SEPTIN5: variants seen among roughly 807,000 people sequenced by gnomAD.
The protein encoded by SEPTIN5 is septin-5.
Under a neutral mutation model 51.2 loss-of-function variants are expected in SEPTIN5, and 16 were observed. The ratio of observed to expected loss-of-function variants is 0.31; its 90% CI spans 0.21 to 0.47. The LOEUF (loss-of-function observed/expected upper bound fraction) is 0.47. Among genes scored for constraint, SEPTIN5 ranks in the 20% least tolerant of loss-of-function variants. SEPTIN5 has a pLI of 0.99. For missense variants in SEPTIN5, 376 were observed against 500.3 expected (o/e 0.75, Z 2.37); for synonymous variants, 208 against 191.2 (o/e 1.09, Z -0.72).
intron 2 of SEPTIN5, among the ~76,000 whole-genome samples, chr22:19,716,204 C>G (rs2065620569): frequency 6.6e-6 from 1 of 152,170 alleles, no homozygotes; most frequent in South Asian, 2.1e-4. Context: ...ACTGTGTGGC[C>G]AAGGAAGGGA....
At chr22:19,717,778 C>A (rs775231350) in intron 2 of SEPTIN5, 8 of 247,332 alleles carry the variant, frequency 3.2e-5, no homozygotes, top group Non-Finnish European at 6.5e-5. Context: ...AACACACATG[C>A]ACACACCCGC....
intron 2 of SEPTIN5, chr22:19,718,468 G>T: frequency 8.7e-7 from 1 of 1,145,324 alleles, no homozygotes. Flanking sequence ...TGGCTCGGGT[G>T]CGGGAGCGGG....
In SEPTIN5 at chr22:19,719,867, G is replaced by T; in HGVS notation, c.213G>T (p.Lys71Asn). The stretch of plus-strand genomic sequence containing the variant: ...GCCTCTTCCTGACAGACTTGTACAA[G>T]GACCGGAAGCTGCTCAGTGCTGAGG... The part of the protein sequence containing the change: ...VHSLFLTDLY[K>N]DRKLLSAEER... Residue 71 changes from lysine to asparagine, a missense_variant, in exon 4 of 12, where the codon AAG (lysine) becomes AAT (asparagine). By Grantham distance (94) the Lys-to-Asn change is moderately conservative. This residue lies in a region of SEPTIN5 where 287 missense variants were observed against 417.1 expected (regional missense o/e 0.69). Transcript: ENST00000455784. 1.2e-6 allele frequency: 2 copies of T among 1,613,032 alleles called. No individual in the cohort carries two copies. Among genetic ancestry groups the T allele is most frequent in the South Asian group, 2.2e-5 (2 of 91,082 alleles).
In SEPTIN5 at chr22:19,721,755, T is replaced by C; in HGVS notation, c.814+19T>C. 1 of 1,602,010 alleles carries C rather than the reference T, an allele frequency of 6.2e-7. No homozygotes were observed. The highest frequency in any genetic ancestry group is 1.1e-5 in the South Asian group (1 of 90,138). On this transcript the variant is annotated intron_variant, in intron 9 of 11. Coordinates refer to ENST00000455784, the MANE Select transcript of SEPTIN5 (RefSeq NM_002688.6). ...GTGGAGGGTGAGTAGAGTCTTGGGGTACCAGGTCTGGTGGGGGAAGGCTGT... is the reference window on the plus strand; with the variant it reads ...GTGGAGGGTGAGTAGAGTCTTGGGGCACCAGGTCTGGTGGGGGAAGGCTGT...
In SEPTIN5 at chr22:19,723,133, G is replaced by T. The variant is rs1044333865; in HGVS notation, c.*649G>T. On this transcript the variant is annotated 3_prime_UTR_variant, in exon 12 of 12. Transcript: ENST00000455784. ...GTGAGCCACCTCCTGGCAACTCTCG[G>T]TGCCGTCCCCTGCCCTCGCTCGAGG... 7.2e-6 allele frequency: 4 copies of T among 554,010 alleles called. No individual in the cohort carries two copies. The African/African-American group carries it at 7.3e-5, about 10-fold the overall frequency. The allele number at this position is 554,010 out of a possible 1,614,324, so 34.3% of individuals were successfully genotyped here.
chr22:19,721,803 A>AAC lies in SEPTIN5; in HGVS notation c.815-19_815-18insAC. The AAC allele has an allele frequency of 1.9e-6, 3 of 1,561,948 alleles. No individual in the cohort carries two copies. The highest frequency in any genetic ancestry group is 2.6e-6 in the Non-Finnish European group (3 of 1,138,850). On this transcript the variant is annotated intron_variant, in intron 9 of 11. Transcript: ENST00000455784. ...TGTCCTGGGCCGGCGCCAGCCCACT[A>AAC]CCCACCCCCACCCCGCAGTGGAGAA...
At chr22:19,718,457 C>T (rs909046959) in intron 2 of SEPTIN5, 20 of 1,126,136 alleles carry the variant, frequency 1.8e-5, no homozygotes, top group Admixed American at 5.0e-5. Context: ...CGCCCCGCCT[C>T]TGGCTCGGGT....
In SEPTIN5 at chr22:19,714,692, C is replaced by T; in HGVS notation, c.43+61C>T. 3 of 1,527,982 alleles carry T rather than the reference C, an allele frequency of 2.0e-6. No individual in the cohort carries two copies. In the South Asian group the frequency reaches 3.6e-5, roughly 18 times the overall value. The allele number at this position is 1,527,982 out of a possible 1,614,324, so 94.7% of individuals were successfully genotyped here. On this transcript the variant is annotated intron_variant, in intron 1 of 11. Coordinates refer to ENST00000455784, the MANE Select transcript of SEPTIN5 (RefSeq NM_002688.6). The surrounding 1 kb of genome is among the most constrained non-coding windows in gnomAD (Gnocchi z 5.2). The stretch of plus-strand genomic sequence containing the variant: ...CTTTGTCCCCGCCGCCCGCGCGCCT[C>T]TCACCGTGTCTCTCCGTCTCTCCCC...
chr22:19,718,373 G>A (rs961303960), intron 2 of SEPTIN5: 10 of 1,012,708 alleles, frequency 9.9e-6, no homozygotes, highest in African/African-American at 8.6e-5. Flanking sequence ...CAATTTCCAG[G>A]CGACCGTTTC....
rs138910997 is a variant in SEPTIN5 at position 19,717,870 on chromosome 22, TACAC to T, written c.55-1722_55-1719del. On this transcript the variant is annotated intron_variant, in intron 2 of 11. Transcript: ENST00000455784. ...TATACACGCGCACACACGCAGGCAT[TACAC>T]ACACACACATTACACACACACACCC... 396 of 173,242 alleles carry T rather than the reference TACAC, an allele frequency of 2.3e-3. 2 individuals carry two copies. The highest frequency in any genetic ancestry group is 7.8e-3 in the African/African-American group (325 of 41,540). 10.7% of individuals were successfully genotyped at this position (173,242 alleles called of 1,614,324 possible).
chr22:19,718,511 G>A, intron 2 of SEPTIN5: 1 of 1,262,524 alleles, frequency 7.9e-7, no homozygotes, highest in Non-Finnish European at 1.0e-6. Context: ...CCACAGCTTG[G>A]GGCCAGTTCG....
intron 4 of SEPTIN5, 91 bp from the exon 5 acceptor site, chr22:19,720,024 G>T: frequency 6.2e-7 from 1 of 1,605,870 alleles, no homozygotes; most frequent in Non-Finnish European, 8.5e-7. Flanking sequence ...GTAGGGCCAA[G>T]GCACCAAGAT....
At chr22:19,719,084 C>T (rs915251369) in intron 2 of SEPTIN5, 1 of 339,746 alleles carries the variant, frequency 2.9e-6, no homozygotes, top group Non-Finnish European at 5.2e-6. Flanking sequence ...GGCGCCTGGG[C>T]GCGCGGGCGG....
At position 19,722,056 on chromosome 22, in the gene SEPTIN5, T is replaced by G. The variant is rs939234639; in HGVS notation, c.950+99T>G. 3.4e-6 allele frequency: 5 copies of G among 1,457,462 alleles called. No homozygotes were observed. In the African/African-American group the frequency reaches 7.0e-5, roughly 20 times the overall value. The allele number at this position is 1,457,462 out of a possible 1,614,324, so 90.3% of individuals were successfully genotyped here. ...TGTCAGCCCACCCAGACTTGAACTT[T>G]GCACCATTCCCTAAGCCCCCCCCCT... On this transcript the variant is annotated intron_variant, in intron 10 of 11. Transcript: ENST00000455784.
Position 19,714,733 on chromosome 22 carries a change from A to G in SEPTIN5, c.44-48A>G, listed in dbSNP as rs1601236210. Reference sequence around the variant, plus strand: ...GTCTCTCCCCCGCCCGCCGGCCCGGACCCGCTCGGAACCGGACCCGGACTC... The same window carrying G: ...GTCTCTCCCCCGCCCGCCGGCCCGGGCCCGCTCGGAACCGGACCCGGACTC... On this transcript the variant is annotated intron_variant, in intron 1 of 11. Coordinates refer to ENST00000455784, the MANE Select transcript of SEPTIN5 (RefSeq NM_002688.6). This position sits in a 1 kb window ranked among gnomAD's most constrained non-coding sequence, Gnocchi z 5.2. The G allele has an allele frequency of 1.3e-6, 2 of 1,524,560 alleles. No homozygotes were observed. Among genetic ancestry groups the G allele is most frequent in the East Asian group, 4.9e-5 (2 of 41,070 alleles). 94.4% of individuals were successfully genotyped at this position (1,524,560 alleles called of 1,614,324 possible). A position where few individuals can be genotyped will look rare whatever the true frequency, so the allele number is the denominator to read the frequency against.
intron 2 of SEPTIN5, chr22:19,718,325 C>A: frequency 1.1e-6 from 1 of 885,884 alleles, no homozygotes; most frequent in Non-Finnish European, 1.4e-6. Flanking sequence ...CTCAGCCCTG[C>A]CCTCCGCAGC....
intron 2 of SEPTIN5, chr22:19,718,888 C>T: frequency 1.6e-6 from 2 of 1,213,990 alleles, no homozygotes; most frequent in Non-Finnish European, 2.1e-6. Context: ...ATGGGGTCCC[C>T]GTCCCCGCGC....
chr22:19,721,236 G>T (rs1355224397), intron 8 of SEPTIN5, among the ~76,000 whole-genome samples: 4 of 152,242 alleles, frequency 2.6e-5, no homozygotes, highest in African/African-American at 9.6e-5. Context: ...AGATTTCTGA[G>T]CTCCAGGGTT....
Position 19,714,921 on chromosome 22 carries a change from A to G in SEPTIN5, c.54+130A>G, listed in dbSNP as rs1935893142. 8.1e-7 allele frequency: 1 copy of G among 1,238,494 alleles called. No individual in the cohort carries two copies. The highest frequency in any genetic ancestry group is 1.1e-6 in the Non-Finnish European group (1 of 916,028). The allele number at this position is 1,238,494 out of a possible 1,614,324, so 76.7% of individuals were successfully genotyped here. A position where few individuals can be genotyped will look rare whatever the true frequency, so the allele number is the denominator to read the frequency against. ...TCACCCAGCCCTGTCGCGATCACCG[A>G]TTGTCAGCCGGGCAGTGCCGCCGCG... is the stretch of plus-strand genomic sequence containing the variant. On this transcript the variant is annotated intron_variant, in intron 2 of 11. Transcript: ENST00000455784. This position sits in a 1 kb window ranked among gnomAD's most constrained non-coding sequence, Gnocchi z 5.2.
Sources: allele counts gnomAD v4.1 joint callset (sites outside exome capture counted in the v4.1 genomes callset), GRCh38; gene constraint gnomAD v4.1.1; regional missense constraint gnomAD v4.1.1; non-coding constraint Gnocchi (gnomAD v3.1); transcripts MANE v1.5; gene names NCBI Gene and HGNC (gene_info 2026-07-23, HGNC 2026-07-21).